Variants in DNA2 observed in about 807,000 individuals in gnomAD.
The protein encoded by DNA2 is DNA replication helicase/nuclease 2.
In DNA2, 101 loss-of-function variants were observed where a neutral mutation model predicts 119.1. The observed-to-expected ratio is 0.85, with a 90% CI of 0.72 to 1.00. The LOEUF (loss-of-function observed/expected upper bound fraction) is 1.00, where lower values mean the gene tolerates loss of function less well. DNA2 is among the 50% of genes least tolerant of loss of function. The pLI is 0.00. For synonymous variants in DNA2, 366 were observed against 424.4 expected (o/e 0.86, Z 1.69); for missense variants, 1,121 against 1,255.5 (o/e 0.89, Z 1.62).
At chr10:68,444,692 C>T (rs147055085) in intron 8 of DNA2, among the ~76,000 whole-genome samples, 2 of 145,868 alleles carry the variant, frequency 1.4e-5, no homozygotes, top group East Asian at 4.0e-4. Flanking sequence ...CCATTGCACT[C>T]CAGCCTGGGC....
intron 10 of DNA2, among the ~76,000 whole-genome samples, chr10:68,434,520 C>A (rs1034200337): frequency 1.3e-5 from 2 of 151,922 alleles, no homozygotes; most frequent in Non-Finnish European, 2.9e-5. Flanking sequence ...GGTGTGGTGG[C>A]ATGCACCTGT....
intron 2 of DNA2, among the ~76,000 whole-genome samples, chr10:68,469,698 G>A (rs1394925052): frequency 2.6e-5 from 4 of 151,960 alleles, no homozygotes; most frequent in Non-Finnish European, 5.9e-5. Flanking sequence ...CTCCTGACCT[G>A]AGGTGATCCG....
At chr10:68,424,688 T>C in intron 14 of DNA2, 2 of 1,606,560 alleles carry the variant, frequency 1.2e-6, no homozygotes, top group South Asian at 2.2e-5. Flanking sequence ...AGAAGTACAA[T>C]GTCCGCTCCA....
intron 3 of DNA2, among the ~76,000 whole-genome samples, chr10:68,467,150 A>G (rs188534081): frequency 2.0e-5 from 3 of 152,006 alleles, no homozygotes; most frequent in Non-Finnish European, 4.4e-5. Context: ...GTCTCCCTCT[A>G]TCTCCCACCG....
chr10:68,453,856 C>T (rs764943607), intron 5 of DNA2, among the ~76,000 whole-genome samples: 7 of 152,218 alleles, frequency 4.6e-5, no homozygotes, highest in Non-Finnish European at 8.8e-5. Flanking sequence ...CCTAACACCA[C>T]ATTTCTCAAA....
At chr10:68,425,502 C>T (rs184535598) in intron 14 of DNA2, among the ~76,000 whole-genome samples, 5,357 of 150,044 alleles carry the variant, frequency 0.036, 292 homozygotes, top group African/African-American at 0.12. Context: ...CCCCGGTTCA[C>T]GCCATTCTCC....
intron 19 of DNA2, among the ~76,000 whole-genome samples, chr10:68,417,737 TACAAC>T (rs2051611017): frequency 6.6e-6 from 1 of 151,942 alleles, no homozygotes; most frequent in Non-Finnish European, 1.5e-5. Context: ...AGGCCTCAAT[TACAAC>T]AGCCAAGGGG....
At chr10:68,428,240 T>TG (rs1294205824) in intron 14 of DNA2, among the ~76,000 whole-genome samples, 3 of 151,870 alleles carry the variant, frequency 2.0e-5, no homozygotes, top group Admixed American at 6.6e-5. Context: ...GGCAGGAGAA[T>TG]GGCATGAGCT....
At chr10:68,429,077 C>A (rs965588823) in intron 14 of DNA2, among the ~76,000 whole-genome samples, 1 of 151,958 alleles carries the variant, frequency 6.6e-6, no homozygotes, top group African/African-American at 2.4e-5. Flanking sequence ...CTAAATTTAT[C>A]AATAACAGGG....
intron 5 of DNA2, among the ~76,000 whole-genome samples, chr10:68,450,791 G>C (rs969704733): frequency 2.6e-5 from 4 of 152,134 alleles, no homozygotes; most frequent in African/African-American, 9.6e-5. Context: ...AGCAATGAAA[G>C]ATGTATTCCT....
intron 10 of DNA2, among the ~76,000 whole-genome samples, chr10:68,436,478 A>G (rs1479003920): frequency 2.0e-5 from 3 of 152,168 alleles, no homozygotes; most frequent in Non-Finnish European, 4.4e-5. Context: ...GGGTGATAAA[A>G]GTGTCTTAGA....
chr10:68,439,402 G>GA (rs1045036715), intron 9 of DNA2, among the ~76,000 whole-genome samples: 3 of 151,136 alleles, frequency 2.0e-5, no homozygotes, highest in Admixed American at 6.6e-5. Context: ...CTCAAAAAAA[G>GA]AAAAAAAAAT....
intron 4 of DNA2, among the ~76,000 whole-genome samples, chr10:68,462,097 G>T (rs1165281780): frequency 6.6e-6 from 1 of 152,118 alleles, no homozygotes; most frequent in Non-Finnish European, 1.5e-5. Context: ...TAGGCTAGGT[G>T]CAGTGGCTCA....
intron 13 of DNA2, among the ~76,000 whole-genome samples, chr10:68,431,536 T>C (rs572986688): frequency 5.3e-5 from 8 of 152,232 alleles, no homozygotes; most frequent in Non-Finnish European, 8.8e-5. Context: ...CCGCCCGCCT[T>C]GGCCTCCTAA....
chr10:68,454,000 C>G (rs2133421680), intron 5 of DNA2, among the ~76,000 whole-genome samples: 1 of 152,336 alleles, frequency 6.6e-6, no homozygotes, highest in Non-Finnish European at 1.5e-5. Flanking sequence ...ATTCCACACT[C>G]TTTCCTTAGC....
chr10:68,423,544 C>G (rs892917213), intron 14 of DNA2, among the ~76,000 whole-genome samples: 1 of 152,192 alleles, frequency 6.6e-6, no homozygotes. Flanking sequence ...AATAACTACT[C>G]TAGCCAAATA....
intron 1 of DNA2, 94 bp downstream of exon 1, chr10:68,471,697 C>A (rs1389876857): frequency 3.5e-6 from 5 of 1,419,358 alleles, no homozygotes; most frequent in Admixed American, 3.0e-5. Flanking sequence ...GGGCCCCGGG[C>A]CCGGTCAGTC....
intron 17 of DNA2, among the ~76,000 whole-genome samples, chr10:68,420,212 C>G (rs751478032): frequency 6.6e-6 from 1 of 152,120 alleles, no homozygotes; most frequent in Non-Finnish European, 1.5e-5. Flanking sequence ...GTAACTTTCC[C>G]AAGGCCTCAC....
intron 5 of DNA2, among the ~76,000 whole-genome samples, chr10:68,451,450 A>T (rs2052116954): frequency 6.6e-6 from 1 of 152,174 alleles, no homozygotes; most frequent in Non-Finnish European, 1.5e-5. Context: ...CTCTTATCTA[A>T]GATTTACTCA....
Sources: allele counts gnomAD v4.1 joint callset (sites outside exome capture counted in the v4.1 genomes callset), GRCh38; gene constraint gnomAD v4.1.1; transcripts MANE v1.5; gene names NCBI Gene and HGNC (gene_info 2026-07-23, HGNC 2026-07-21).